ATXN1: variants seen among roughly 807,000 people sequenced by gnomAD.
ATXN1 encodes the protein ataxin 1.
Under a neutral mutation model 56.4 loss-of-function variants are expected in ATXN1, and 8 were observed. The observed-to-expected ratio is 0.14, with a 90% CI of 0.08 to 0.26. The LOEUF (loss-of-function observed/expected upper bound fraction) is 0.26, where lower values mean the gene tolerates loss of function less well. Among genes scored for constraint, ATXN1 ranks in the 10% least tolerant of loss-of-function variants. The pLI is 1.00. For synonymous variants in ATXN1, 514 were observed against 494.6 expected, an observed-to-expected ratio of 1.04 and a Z score of -0.52; for missense variants, 987 against 1,106.5, an observed-to-expected ratio of 0.89 and a Z score of 1.53.
intron 4 of ATXN1, among the ~76,000 whole-genome samples, chr6:16,536,803 G>A (rs952514252): frequency 3.3e-5 from 5 of 152,322 alleles, no homozygotes; most frequent in Middle Eastern, 3.4e-3. Context: ...TAGGATATGA[G>A]CTCTAGACTC....
chr6:16,643,627 CAAAA>C (rs58223053), intron 3 of ATXN1, among the ~76,000 whole-genome samples: 2 of 63,198 alleles, frequency 3.2e-5, no homozygotes, highest in Admixed American at 1.9e-4. Context: ...GAGACCCTGC[CAAAA>C]AAAAAAAAAA....
At chr6:16,445,084 TAGGAGACC>T (rs1293464293) in intron 6 of ATXN1, among the ~76,000 whole-genome samples, 1 of 152,150 alleles carries the variant, frequency 6.6e-6, no homozygotes, top group Non-Finnish European at 1.5e-5. Context: ...AAAAGAGGTT[TAGGAGACC>T]GAAATGACCT....
intron 5 of ATXN1, among the ~76,000 whole-genome samples, chr6:16,521,482 C>T (rs970420356): frequency 5.3e-5 from 8 of 152,142 alleles, no homozygotes; most frequent in Admixed American, 1.3e-4. Context: ...GGCGTGAACC[C>T]GGGAGGCGGA....
At chr6:16,405,663 C>A (rs1758670901) in intron 6 of ATXN1, among the ~76,000 whole-genome samples, 1 of 152,210 alleles carries the variant, frequency 6.6e-6, no homozygotes, top group African/African-American at 2.4e-5. Context: ...CATCCAAATT[C>A]CTGGTTGCTG....
At chr6:16,382,511 A>G (rs1758151069) in intron 6 of ATXN1, among the ~76,000 whole-genome samples, 1 of 152,180 alleles carries the variant, frequency 6.6e-6, no homozygotes, top group Admixed American at 6.5e-5. Context: ...TTTTTTAGAA[A>G]TAAGATTAGC....
At chr6:16,408,365 G>A (rs2113547127) in intron 6 of ATXN1, among the ~76,000 whole-genome samples, 1 of 152,144 alleles carries the variant, frequency 6.6e-6, no homozygotes, top group African/African-American at 2.4e-5. Flanking sequence ...TTAAATAGTG[G>A]CCTCACCAAA....
At chr6:16,436,477 C>A (rs1759393148) in intron 6 of ATXN1, among the ~76,000 whole-genome samples, 1 of 152,112 alleles carries the variant, frequency 6.6e-6, no homozygotes, top group African/African-American at 2.4e-5. Context: ...GGGTGGTGGT[C>A]TGGTGACCAT....
chr6:16,710,976 G>A (rs1351984372), intron 2 of ATXN1, among the ~76,000 whole-genome samples: 1 of 152,084 alleles, frequency 6.6e-6, no homozygotes, highest in Non-Finnish European at 1.5e-5. Flanking sequence ...TCAAACTCCT[G>A]GGCCCAAGCG....
At chr6:16,436,099 C>A (rs112807462) in intron 6 of ATXN1, among the ~76,000 whole-genome samples, 1 of 151,872 alleles carries the variant, frequency 6.6e-6, no homozygotes, top group Admixed American at 6.6e-5. Context: ...GGTTTCACCA[C>A]GTTGGCCAGC....
At chr6:16,412,626 T>C (rs1758821797) in intron 6 of ATXN1, among the ~76,000 whole-genome samples, 1 of 152,148 alleles carries the variant, frequency 6.6e-6, no homozygotes, top group African/African-American at 2.4e-5. Context: ...GTCGCAAACT[T>C]CAGTGCCGCT....
chr6:16,345,963 T>C (rs796475132), intron 6 of ATXN1, among the ~76,000 whole-genome samples: 10 of 152,204 alleles, frequency 6.6e-5, no homozygotes, highest in African/African-American at 1.7e-4. Context: ...TAAAAAAAAA[T>C]TGACACTCCC....
chr6:16,570,681 A>G (rs1183859207), intron 4 of ATXN1, among the ~76,000 whole-genome samples: 1 of 152,212 alleles, frequency 6.6e-6, no homozygotes. Context: ...CTGAAGAAAG[A>G]CAGATGAAAG....
At chr6:16,520,773 G>A (rs1273554554) in intron 5 of ATXN1, among the ~76,000 whole-genome samples, 2 of 152,166 alleles carry the variant, frequency 1.3e-5, no homozygotes, top group Non-Finnish European at 2.9e-5. Flanking sequence ...TCTAATGAAT[G>A]CTAACTCGTG....
intron 6 of ATXN1, among the ~76,000 whole-genome samples, chr6:16,358,760 C>G (rs1310001245): frequency 1.3e-5 from 2 of 152,184 alleles, no homozygotes; most frequent in Non-Finnish European, 2.9e-5. Flanking sequence ...CTCTTGGGGC[C>G]ACAGCCACCC....
At chr6:16,514,931 C>T (rs538875802) in intron 5 of ATXN1, among the ~76,000 whole-genome samples, 48 of 151,578 alleles carry the variant, frequency 3.2e-4, no homozygotes, top group African/African-American at 1.2e-3. Flanking sequence ...TGCAGTGAGC[C>T]GAGATCACGC....
intron 5 of ATXN1, among the ~76,000 whole-genome samples, chr6:16,514,121 T>C (rs533893712): frequency 2.6e-5 from 4 of 152,182 alleles, no homozygotes; most frequent in East Asian, 3.9e-4. Context: ...AAGAGTGACA[T>C]GACCAGCCAG....
At chr6:16,539,124 C>G (rs988154365) in intron 4 of ATXN1, among the ~76,000 whole-genome samples, 1 of 152,228 alleles carries the variant, frequency 6.6e-6, no homozygotes, top group African/African-American at 2.4e-5. Context: ...AGCAGGGATG[C>G]TGGCAGGTAG....
At chr6:16,543,535 A>C (rs988744510) in intron 4 of ATXN1, among the ~76,000 whole-genome samples, 2 of 151,726 alleles carry the variant, frequency 1.3e-5, no homozygotes, top group South Asian at 2.1e-4. Context: ...TGTGAATTGA[A>C]CTCCTAAATA....
In ATXN1 at chr6:16,401,293, T is replaced by C. The variant is rs1454321559; in HGVS notation, c.-160-72823A>G. On this transcript the variant is annotated intron_variant, in intron 6 of 7. Coordinates refer to ENST00000436367, the MANE Select transcript of ATXN1 (RefSeq NM_001128164.2). ...GTCATTAATTGTTCTTCATAAAAGA[T>C]TCAATGTGCCAAGTCAAGCCTGGGG... 2.0e-5 allele frequency among the ~76,000 whole-genome samples: 3 copies of C among 152,156 alleles called. No individual in the cohort carries two copies. The East Asian group carries it at 5.8e-4, about 29-fold the overall frequency.
Sources: gnomAD v4.1 joint callset for allele counts (sites outside exome capture counted in the v4.1 genomes callset) on GRCh38, gnomAD v4.1.1 for gene constraint, MANE v1.5 for transcripts, NCBI Gene and HGNC (gene_info 2026-07-23, HGNC 2026-07-21) for gene names.